UBXN7: variants seen among roughly 807,000 people sequenced by gnomAD.
UBXN7 encodes UBX domain-containing protein 7.
UBXN7 carries 9 observed loss-of-function variants against 58.0 expected under a neutral mutation model. The observed-to-expected ratio is 0.16, with a 90% CI of 0.09 to 0.27. UBXN7 has a LOEUF of 0.27. Ranked by LOEUF, UBXN7 falls within the 10% of genes least tolerant of loss-of-function variation. The probability of loss-of-function intolerance (pLI) is 1.00; values close to 1 mark genes in which losing one functional copy is unlikely to be tolerated. For missense variants in UBXN7, 328 were observed against 599.6 expected, an observed-to-expected ratio of 0.55 and a Z score of 4.73; for synonymous variants, 208 against 205.0, an observed-to-expected ratio of 1.01 and a Z score of -0.12.
At chr3:196,412,858 C>A (rs952423020) in intron 1 of UBXN7, among the ~76,000 whole-genome samples, 8 of 152,172 alleles carry the variant, frequency 5.3e-5, no homozygotes, top group Admixed American at 5.2e-4. Context: ...ACATTTAGAG[C>A]ACTAAAAATC....
At chr3:196,410,821 C>CAA (rs558340861) in intron 1 of UBXN7, among the ~76,000 whole-genome samples, 23 of 140,632 alleles carry the variant, frequency 1.6e-4, no homozygotes, top group South Asian at 6.7e-4. Flanking sequence ...GACTCCATCT[C>CAA]AAAAAAAAAA....
At chr3:196,375,134 C>T (rs1456490858) in intron 5 of UBXN7, among the ~76,000 whole-genome samples, 1 of 147,886 alleles carries the variant, frequency 6.8e-6, no homozygotes, top group Non-Finnish European at 1.5e-5. Flanking sequence ...TTAATAATAT[C>T]GTATTATACA....
chr3:196,404,979 C>T (rs1321224285), intron 2 of UBXN7, among the ~76,000 whole-genome samples: 1 of 152,066 alleles, frequency 6.6e-6, no homozygotes, highest in African/African-American at 2.4e-5. Context: ...CAAGGCAAAA[C>T]CCCATCTTTA....
chr3:196,399,601 G>A (rs927307648), intron 3 of UBXN7, among the ~76,000 whole-genome samples: 3 of 152,052 alleles, frequency 2.0e-5, no homozygotes, highest in Admixed American at 1.3e-4. Context: ...CATGCCTAAC[G>A]AATTTATTTT....
At chr3:196,375,332 A>G (rs1279994775) in intron 5 of UBXN7, among the ~76,000 whole-genome samples, 1 of 148,408 alleles carries the variant, frequency 6.7e-6, no homozygotes, top group Non-Finnish European at 1.5e-5. Flanking sequence ...AAATATGTAC[A>G]GTAGTCTGGA....
chr3:196,357,645 G>A (rs1728386878), intron 10 of UBXN7, among the ~76,000 whole-genome samples: 1 of 152,012 alleles, frequency 6.6e-6, no homozygotes, highest in South Asian at 2.1e-4. Flanking sequence ...CTCACCTGAG[G>A]TCAGAAGTTC....
chr3:196,371,853 A>G, intron 6 of UBXN7, 43 bp downstream of exon 6: 1 of 1,591,194 alleles, frequency 6.3e-7, no homozygotes, highest in Non-Finnish European at 8.5e-7. Flanking sequence ...CCACACTACA[A>G]AAGTAAAATT....
chr3:196,386,439 GATGAC>G (rs1051550939), intron 5 of UBXN7, among the ~76,000 whole-genome samples: 33 of 137,438 alleles, frequency 2.4e-4, no homozygotes, highest in Admixed American at 4.5e-4. Flanking sequence ...CCTGTTTGCA[GATGAC>G]ATGATTGTAT....
intron 3 of UBXN7, 25 bp downstream of exon 3, chr3:196,402,927 G>A (rs764571482): frequency 3.2e-6 from 5 of 1,585,738 alleles, no homozygotes; most frequent in Admixed American, 4.0e-5. Context: ...AATCAAATAA[G>A]GCTAAGGGAA....
chr3:196,403,927 T>G (rs1431712278), intron 2 of UBXN7, among the ~76,000 whole-genome samples: 2 of 152,128 alleles, frequency 1.3e-5, no homozygotes, highest in East Asian at 3.9e-4. Flanking sequence ...TTAGATATAC[T>G]GTAAAAATGG....
Position 196,405,211 on chromosome 3 carries a change from C to T in UBXN7, c.221+2035G>A, listed in dbSNP as rs551139785. Among the ~76,000 whole-genome samples the T allele has an allele frequency of 2.0e-5, 3 of 152,068 alleles. No homozygotes were observed. The East Asian group carries it at 5.8e-4, about 29-fold the overall frequency. On this transcript the variant is annotated intron_variant, in intron 2 of 10. Coordinates refer to ENST00000296328, the MANE Select transcript of UBXN7 (RefSeq NM_015562.2). Reference sequence around the variant, plus strand: ...AAACTGGTGCACACAGTGGCTCACGCCTGTAATCCCAGCACTTTGGGAGGC... The same window carrying T: ...AAACTGGTGCACACAGTGGCTCACGTCTGTAATCCCAGCACTTTGGGAGGC...
At chr3:196,385,055 C>T (rs1353650539) in intron 5 of UBXN7, among the ~76,000 whole-genome samples, 4 of 152,186 alleles carry the variant, frequency 2.6e-5, no homozygotes, top group Admixed American at 1.3e-4. Context: ...GATGCTGAGC[C>T]GAGGCTGGAC....
At chr3:196,379,937 C>T (rs1471104315) in intron 5 of UBXN7, among the ~76,000 whole-genome samples, 2 of 151,976 alleles carry the variant, frequency 1.3e-5, no homozygotes, top group African/African-American at 4.8e-5. Flanking sequence ...GAATTCAGGG[C>T]GAGCCTATAG....
rs1195189725 is a variant in UBXN7 at position 196,356,573 on chromosome 3, G to C, written c.*112C>G. The C allele has an allele frequency of 3.4e-6, 4 of 1,188,828 alleles. No individual in the cohort carries two copies. Among genetic ancestry groups the C allele is most frequent in the Non-Finnish European group, 3.5e-6 (3 of 853,856 alleles). 73.6% of individuals were successfully genotyped at this position (1,188,828 alleles called of 1,614,324 possible). A position where few individuals can be genotyped will look rare whatever the true frequency, so the allele number is the denominator to read the frequency against. On this transcript the variant is annotated 3_prime_UTR_variant, in exon 11 of 11. Transcript: ENST00000296328. ...AGAAATAAGAGAAGGAAGGTGACTT[G>C]CTTGCCCAACTTTGGCTCTGTGGTC...
intron 1 of UBXN7, among the ~76,000 whole-genome samples, chr3:196,411,519 AAC>A (rs1200957207): frequency 6.6e-6 from 1 of 152,226 alleles, no homozygotes; most frequent in African/African-American, 2.4e-5. Flanking sequence ...GGCTTCAAAA[AAC>A]TAGCAGATGG....
At chr3:196,396,889 G>A (rs966486364) in intron 3 of UBXN7, among the ~76,000 whole-genome samples, 1 of 152,122 alleles carries the variant, frequency 6.6e-6, no homozygotes. Flanking sequence ...CCAAAGATAG[G>A]TTAGTCAATA....
At chr3:196,420,189 A>C (rs1291195028) in intron 1 of UBXN7, among the ~76,000 whole-genome samples, 1 of 152,156 alleles carries the variant, frequency 6.6e-6, no homozygotes, top group Non-Finnish European at 1.5e-5. Flanking sequence ...GGGCTAATAA[A>C]ACAAGTTTGA....
chr3:196,386,380 T>TAAAAAC (rs1729397847), intron 5 of UBXN7, among the ~76,000 whole-genome samples: 1 of 57,728 alleles, frequency 1.7e-5, no homozygotes, highest in Non-Finnish European at 3.2e-5. Context: ...TAATAAACAC[T>TAAAAAC]AAAAAAAAAA....
At chr3:196,385,418 C>T (rs979293060) in intron 5 of UBXN7, among the ~76,000 whole-genome samples, 4 of 152,156 alleles carry the variant, frequency 2.6e-5, no homozygotes, top group African/African-American at 7.2e-5. Flanking sequence ...TCTGCCCGGC[C>T]GCCACCCAGT....
Sources: allele counts gnomAD v4.1 joint callset (sites outside exome capture counted in the v4.1 genomes callset), GRCh38; gene constraint gnomAD v4.1.1; transcripts MANE v1.5; gene names NCBI Gene and HGNC (gene_info 2026-07-23, HGNC 2026-07-21).